The following ZNF438 variants were observed in gnomAD, a reference collection of about 807,000 sequenced individuals.
ZNF438 encodes zinc finger protein 438.
Under a neutral mutation model 38.0 loss-of-function variants are expected in ZNF438, and 25 were observed. The ratio of observed to expected loss-of-function variants is 0.66; its 90% confidence interval spans 0.48 to 0.92. The LOEUF is 0.92. Among genes scored for constraint, ZNF438 ranks in the 40% least tolerant of loss-of-function variants. ZNF438 has a pLI of 0.00. For missense variants in ZNF438, 1,007 were observed against 999.6 expected (o/e 1.01, Z -0.10); for synonymous variants, 372 against 364.1 (o/e 1.02, Z -0.25).
chr10:30,926,198 T>G (rs2044894227), intron 2 of ZNF438, among the ~76,000 whole-genome samples: 1 of 152,194 alleles, frequency 6.6e-6, no homozygotes, highest in Admixed American at 6.5e-5. Context: ...ATATTTTGGG[T>G]AGTAGTTACA....
At chr10:30,949,984 C>A (rs2047966454) in intron 1 of ZNF438, among the ~76,000 whole-genome samples, 1 of 152,114 alleles carries the variant, frequency 6.6e-6, no homozygotes, top group Admixed American at 6.6e-5. Flanking sequence ...CCAAAATTGA[C>A]CACATACTTG....
intron 2 of ZNF438, among the ~76,000 whole-genome samples, chr10:30,936,750 G>A (rs1289695965): frequency 6.6e-6 from 1 of 152,188 alleles, no homozygotes; most frequent in Non-Finnish European, 1.5e-5. Flanking sequence ...GAAGACCATG[G>A]TAGAAACTGT....
rs140887921 is a variant in ZNF438 at position 30,858,566 on chromosome 10, G to A, written c.38-8199C>T. Among the ~76,000 whole-genome samples, 5 of 152,318 alleles carry A rather than the reference G, an allele frequency of 3.3e-5. No homozygotes were observed. The East Asian group carries it at 9.6e-4, about 29-fold the overall frequency. On this transcript the variant is annotated intron_variant, in intron 4 of 5. Transcript: ENST00000413025. ...GGAGCATGCACTGTAAAACGTGCCG[G>A]CAATAGGCACAAGTGTTCTTTTGTT... is the stretch of plus-strand genomic sequence containing the variant.
Position 30,895,750 on chromosome 10 carries a change from A to G in ZNF438, c.-32+13183T>C, listed in dbSNP as rs78311221. On this transcript the variant is annotated intron_variant, in intron 3 of 5. Coordinates refer to ENST00000413025, the Ensembl canonical transcript of ZNF438. ...TACAAATGGCCAACAAGCATATTAA[A>G]AGATGATCACTAATTAGAAAAATGC... Among the ~76,000 whole-genome samples, 613 of 152,338 alleles carry G rather than the reference A, an allele frequency of 4.0e-3. 7 individuals are homozygous for G. Among genetic ancestry groups the G allele is most frequent in the African/African-American group, 0.014 (575 of 41,578 alleles).
intron 1 of ZNF438, among the ~76,000 whole-genome samples, chr10:30,976,301 A>G (rs2051336110): frequency 6.6e-6 from 1 of 152,246 alleles, no homozygotes; most frequent in Non-Finnish European, 1.5e-5. Flanking sequence ...GATAAAAAAT[A>G]AAATCCAAGT....
chr10:30,977,759 CG>C (rs901149042), intron 1 of ZNF438, among the ~76,000 whole-genome samples: 29 of 151,862 alleles, frequency 1.9e-4, no homozygotes, highest in African/African-American at 6.8e-4. Flanking sequence ...CCGAGGCTAG[CG>C]GATCGCAAGG....
chr10:30,924,932 G>A (rs1023553462), intron 2 of ZNF438, among the ~76,000 whole-genome samples: 4 of 152,022 alleles, frequency 2.6e-5, no homozygotes, highest in Non-Finnish European at 2.9e-5. Flanking sequence ...AATATACTAC[G>A]GCTATGTAGG....
intron 1 of ZNF438, among the ~76,000 whole-genome samples, chr10:31,011,845 A>G (rs535372701): frequency 6.6e-6 from 1 of 152,314 alleles, no homozygotes; most frequent in South Asian, 2.1e-4. Flanking sequence ...CACACTTTCA[A>G]CGGCTTTTCA....
At chr10:30,862,567 AGT>A (rs2035763532) in intron 4 of ZNF438, among the ~76,000 whole-genome samples, 1 of 152,158 alleles carries the variant, frequency 6.6e-6, no homozygotes. Flanking sequence ...CAGTTCCCTA[AGT>A]GTTGGAATTA....
intron 4 of ZNF438, among the ~76,000 whole-genome samples, chr10:30,866,639 C>G (rs899283589): frequency 1.3e-5 from 2 of 152,090 alleles, no homozygotes; most frequent in African/African-American, 2.4e-5. Flanking sequence ...TCGAGACCAT[C>G]CTGGCTAACA....
At chr10:30,883,896 A>G (rs1372127368) in intron 3 of ZNF438, among the ~76,000 whole-genome samples, 1 of 152,108 alleles carries the variant, frequency 6.6e-6, no homozygotes, top group African/African-American at 2.4e-5. Flanking sequence ...TTTTCACTCC[A>G]AAAAAAAGTG....
At chr10:30,990,473 C>T (rs1225107511) in intron 1 of ZNF438, among the ~76,000 whole-genome samples, 1 of 152,152 alleles carries the variant, frequency 6.6e-6, no homozygotes, top group East Asian at 1.9e-4. Context: ...TACAAACCCT[C>T]AGGTCCAACC....
At chr10:31,011,856 C>T (rs2055734624) in intron 1 of ZNF438, among the ~76,000 whole-genome samples, 2 of 152,162 alleles carry the variant, frequency 1.3e-5, no homozygotes, top group African/African-American at 2.4e-5. Context: ...CGGCTTTTCA[C>T]GACCCTTGAA....
chr10:30,949,892 C>T (rs566232523), intron 1 of ZNF438, among the ~76,000 whole-genome samples: 185 of 152,188 alleles, frequency 1.2e-3, no homozygotes, highest in African/African-American at 4.1e-3. Flanking sequence ...CTGCACCAAG[C>T]GGACCTAATA....
intron 1 of ZNF438, among the ~76,000 whole-genome samples, chr10:30,988,534 T>G (rs2053111891): frequency 6.6e-6 from 1 of 152,118 alleles, no homozygotes; most frequent in Non-Finnish European, 1.5e-5. Flanking sequence ...TTATAATTAT[T>G]GTACCTAATA....
intron 1 of ZNF438, among the ~76,000 whole-genome samples, chr10:31,016,533 A>G (rs569763823): frequency 7.2e-5 from 11 of 152,314 alleles, no homozygotes; most frequent in African/African-American, 2.6e-4. Context: ...GTGGTCAAGG[A>G]AAGGTAAGTA....
At chr10:30,966,444 G>A (rs2050124946) in intron 1 of ZNF438, among the ~76,000 whole-genome samples, 1 of 152,144 alleles carries the variant, frequency 6.6e-6, no homozygotes, top group African/African-American at 2.4e-5. Flanking sequence ...GCCGAGGCGG[G>A]TGGATCATGA....
chr10:30,930,836 C>CAAAAAAAAAAAAAAAAAAAAAA (rs2045599179), intron 2 of ZNF438, among the ~76,000 whole-genome samples: 45 of 58,712 alleles, frequency 7.7e-4, no homozygotes, highest in African/African-American at 1.2e-3. Context: ...AAAAAAAAAG[C>CAAAAAAAAAAAAAAAAAAAAAA]AAATGGTTCT....
At chr10:30,939,478 T>C (rs1407999860) in intron 2 of ZNF438, among the ~76,000 whole-genome samples, 1 of 152,242 alleles carries the variant, frequency 6.6e-6, no homozygotes, top group Non-Finnish European at 1.5e-5. Flanking sequence ...GAGGAATTAG[T>C]GAAACAGTCC....
Sources: allele counts gnomAD v4.1 joint callset (sites outside exome capture counted in the v4.1 genomes callset), GRCh38; gene constraint gnomAD v4.1.1; transcripts MANE v1.5; gene names NCBI Gene and HGNC (gene_info 2026-07-23, HGNC 2026-07-21).